The following JARID2 variants were observed in gnomAD, a reference collection of about 807,000 sequenced individuals.
JARID2 encodes the protein protein Jumonji.
Under a neutral mutation model 125.6 loss-of-function variants are expected in JARID2, and 21 were observed. The observed-to-expected ratio is 0.17, with a 90% CI of 0.12 to 0.24. The LOEUF is 0.24. Among genes scored for constraint, JARID2 ranks in the 10% least tolerant of loss-of-function variants. The pLI is 1.00. For missense variants in JARID2, 1,303 were observed against 1,639.6 expected (o/e 0.79, Z 3.55); for synonymous variants, 736 against 661.6 (o/e 1.11, Z -1.73).
chr6:15,307,651 TTC>T (rs1761881397), intron 1 of JARID2, among the ~76,000 whole-genome samples: 1 of 152,228 alleles, frequency 6.6e-6, no homozygotes, highest in African/African-American at 2.4e-5. Flanking sequence ...GGTATTTTTC[TTC>T]TCTGATGACT....
chr6:15,415,530 G>A (rs1418875556), intron 3 of JARID2, among the ~76,000 whole-genome samples: 2 of 126,558 alleles, frequency 1.6e-5, no homozygotes, highest in African/African-American at 6.8e-5. Context: ...GGGCAGAGGC[G>A]CCCCTCACCT....
intron 6 of JARID2, among the ~76,000 whole-genome samples, chr6:15,494,721 C>T (rs557229261): frequency 6.6e-6 from 1 of 152,312 alleles, no homozygotes; most frequent in African/African-American, 2.4e-5. Flanking sequence ...GCCCCACCCC[C>T]ACTTAAGGGG....
chr6:15,310,528 G>A (rs1230940540), intron 1 of JARID2, among the ~76,000 whole-genome samples: 1 of 152,210 alleles, frequency 6.6e-6, no homozygotes, highest in Admixed American at 6.5e-5. Flanking sequence ...GATGGCACAA[G>A]CTAGGCTGTG....
At chr6:15,336,959 T>G (rs762087985) in intron 1 of JARID2, among the ~76,000 whole-genome samples, 6 of 152,200 alleles carry the variant, frequency 3.9e-5, no homozygotes, top group Non-Finnish European at 7.3e-5. Context: ...AGAGTGTAGT[T>G]CAGTAAGTCA....
At chr6:15,271,920 A>C (rs1050032114) in intron 1 of JARID2, among the ~76,000 whole-genome samples, 4 of 152,222 alleles carry the variant, frequency 2.6e-5, no homozygotes, top group South Asian at 2.1e-4. Context: ...GAATCGCCTG[A>C]AACTGGGAAG....
chr6:15,433,105 C>T (rs1455934920), intron 3 of JARID2, among the ~76,000 whole-genome samples: 2 of 152,162 alleles, frequency 1.3e-5, no homozygotes, highest in Non-Finnish European at 2.9e-5. Flanking sequence ...TCCGAGGGCT[C>T]TATGTGATTT....
chr6:15,516,872 C>T (rs1771587540), intron 16 of JARID2, among the ~76,000 whole-genome samples: 1 of 152,186 alleles, frequency 6.6e-6, no homozygotes, highest in South Asian at 2.1e-4. Flanking sequence ...GAAACTCCAG[C>T]AGAAATCTGG....
intron 1 of JARID2, among the ~76,000 whole-genome samples, chr6:15,308,607 G>C (rs574897353): frequency 1.8e-4 from 28 of 152,230 alleles, no homozygotes; most frequent in Admixed American, 1.6e-3. Context: ...TAAAAACAAC[G>C]AGATTAGGTA....
intron 3 of JARID2, among the ~76,000 whole-genome samples, chr6:15,415,669 ACGGGGTGGCTGGCCGGG>A (rs1328690240): frequency 8.4e-4 from 103 of 122,078 alleles, no homozygotes; most frequent in African/African-American, 3.2e-3. Flanking sequence ...TCCCTCCCGG[ACGGGGTGGCTGGCCGGG>A]CGGGGGGCTG....
At chr6:15,416,763 G>C (rs1330462473) in intron 3 of JARID2, among the ~76,000 whole-genome samples, 1 of 152,058 alleles carries the variant, frequency 6.6e-6, no homozygotes, top group Non-Finnish European at 1.5e-5. Context: ...ATATTGTTTA[G>C]AATGGAACCA....
chr6:15,519,825 AAAGC>A (rs1337144774), intron 17 of JARID2, among the ~76,000 whole-genome samples: 2 of 152,108 alleles, frequency 1.3e-5, no homozygotes, highest in African/African-American at 4.8e-5. Context: ...ATGAGCAGGC[AAAGC>A]ATGGTGGACC....
chr6:15,298,679 CAAAAAA>C (rs778296232), intron 1 of JARID2, among the ~76,000 whole-genome samples: 2 of 81,298 alleles, frequency 2.5e-5, no homozygotes, highest in Non-Finnish European at 5.0e-5. Flanking sequence ...GACTCCATCT[CAAAAAA>C]AAAAAAAAAG....
intron 1 of JARID2, among the ~76,000 whole-genome samples, chr6:15,259,454 G>A (rs916025914): frequency 6.6e-6 from 1 of 152,150 alleles, no homozygotes; most frequent in African/African-American, 2.4e-5. Context: ...TTGGTTGCAT[G>A]GTCTTGCCTT....
chr6:15,328,078 T>C (rs1350646044), intron 1 of JARID2, among the ~76,000 whole-genome samples: 1 of 152,140 alleles, frequency 6.6e-6, no homozygotes, highest in Non-Finnish European at 1.5e-5. Context: ...CAATAAATAT[T>C]GGTGCAATGG....
At chr6:15,406,502 A>G (rs1007966252) in intron 2 of JARID2, among the ~76,000 whole-genome samples, 3 of 152,170 alleles carry the variant, frequency 2.0e-5, no homozygotes, top group African/African-American at 7.2e-5. Context: ...TATGGGCCCC[A>G]TTTTATGAAT....
intron 3 of JARID2, 89 bp downstream of exon 3, chr6:15,410,454 A>C: frequency 7.7e-7 from 1 of 1,293,542 alleles, no homozygotes; most frequent in Non-Finnish European, 1.1e-6. Flanking sequence ...ACGTGAGCCC[A>C]TTCACCCAAT....
intron 3 of JARID2, among the ~76,000 whole-genome samples, chr6:15,447,127 T>C (rs1199420887): frequency 1.3e-5 from 2 of 152,238 alleles, no homozygotes; most frequent in Non-Finnish European, 2.9e-5. Flanking sequence ...GCCCCAGTGA[T>C]GATCTGATCT....
rs530342327 is a variant in JARID2, at chr6:15,450,674, C to T, written c.324-1332C>T. On this transcript the variant is annotated intron_variant, in intron 3 of 17. Coordinates refer to ENST00000341776, the MANE Select transcript of JARID2 (RefSeq NM_004973.4). ...TAGGTGAACAGTTTAAAGTAGGGCC[C>T]AGTTTCTCATCCTTGCAAGTGCTCA... Among the ~76,000 whole-genome samples, 13 of 152,272 alleles carry T rather than the reference C, an allele frequency of 8.5e-5. No individual in the cohort carries two copies. In the South Asian group the frequency reaches 2.7e-3, roughly 32 times the overall value.
In JARID2 at chr6:15,496,694, C is replaced by T. The variant is rs199726755; in HGVS notation, c.1469C>T (p.Pro490Leu). Residue 490 changes from proline (P) to leucine (L), a missense_variant, in exon 7 of 18, where the codon CCG becomes CTG. By Grantham distance (98) the Pro-to-Leu change is moderately conservative (BLOSUM62 -3). This residue lies in a region of JARID2 where 651 missense variants were observed against 581.6 expected (regional missense o/e 1.12). Transcript: ENST00000341776. The stretch of plus-strand genomic sequence containing the variant: ...AACGGACACGTGAAGAAGGAAGTGC[C>T]GGAGCGCAGTCTGGAGAGGAATCGG... ...LLNGHVKKEV[P>L]ERSLERNRPK... 46 of 1,613,202 alleles carry T rather than the reference C, an allele frequency of 2.9e-5. No individual in the cohort carries two copies. Among genetic ancestry groups the T allele is most frequent in the Non-Finnish European group, 2.5e-5 (30 of 1,179,924 alleles).
Sources: gnomAD v4.1 joint callset for allele counts (sites outside exome capture counted in the v4.1 genomes callset) on GRCh38, gnomAD v4.1.1 for gene constraint, gnomAD v4.1.1 regional missense constraint, MANE v1.5 for transcripts, NCBI Gene and HGNC (gene_info 2026-07-23, HGNC 2026-07-21) for gene names.